RBMS3: variants seen among roughly 807,000 people sequenced by gnomAD.
RBMS3 encodes RNA binding motif single stranded interacting protein 3, also known as RNA-binding motif, single-stranded-interacting protein 3.
RBMS3 carries 27 observed loss-of-function variants against 66.8 expected under a neutral mutation model. The observed-to-expected ratio is 0.40, with a 90% CI of 0.30 to 0.56. The LOEUF is 0.56. Ranked by LOEUF, RBMS3 falls within the 20% of genes least tolerant of loss-of-function variation. The pLI is 0.40. For missense variants in RBMS3, 513 were observed against 549.5 expected (o/e 0.93, Z 0.66); for synonymous variants, 188 against 183.0 (o/e 1.03, Z -0.22).
chr3:29,719,927 A>T (rs1391051215), intron 4 of RBMS3, among the ~76,000 whole-genome samples: 1 of 141,778 alleles, frequency 7.1e-6, no homozygotes, highest in Non-Finnish European at 1.5e-5. Flanking sequence ...TTTCTTACAG[A>T]TACATTTTTT....
At chr3:29,796,848 G>A (rs995448187) in intron 6 of RBMS3, among the ~76,000 whole-genome samples, 1 of 151,592 alleles carries the variant, frequency 6.6e-6, no homozygotes, top group Non-Finnish European at 1.5e-5. Flanking sequence ...GAGTAGCTGG[G>A]ACTATAGGCA....
chr3:29,823,815 T>C (rs1201737021), intron 6 of RBMS3, among the ~76,000 whole-genome samples: 1 of 152,192 alleles, frequency 6.6e-6, no homozygotes, highest in African/African-American at 2.4e-5. Context: ...CTGTTGGGAA[T>C]TGTTATTTTA....
At chr3:29,534,083 T>A (rs2045464019) in intron 3 of RBMS3, among the ~76,000 whole-genome samples, 1 of 152,232 alleles carries the variant, frequency 6.6e-6, no homozygotes. Context: ...TGTAACTTCA[T>A]GAGTAAAGTT....
At chr3:29,960,333 T>G (rs114865314) in intron 12 of RBMS3, among the ~76,000 whole-genome samples, 4,339 of 152,224 alleles carry the variant, frequency 0.029, 125 homozygotes, top group African/African-American at 0.065. Flanking sequence ...GTACAAGAGG[T>G]GGGCTCCCAT....
intron 4 of RBMS3, among the ~76,000 whole-genome samples, chr3:29,598,970 A>C (rs1253288760): frequency 6.6e-6 from 1 of 152,074 alleles, no homozygotes; most frequent in Non-Finnish European, 1.5e-5. Flanking sequence ...AAGAATAAAA[A>C]TTGTGCAGTA....
At chr3:29,397,431 C>T (rs910788284) in intron 1 of RBMS3, among the ~76,000 whole-genome samples, 17 of 152,000 alleles carry the variant, frequency 1.1e-4, no homozygotes, top group South Asian at 2.1e-4. Context: ...TATGATGGTC[C>T]GATCCCCCAA....
chr3:29,953,667 C>T (rs1365595635), intron 12 of RBMS3, among the ~76,000 whole-genome samples: 3 of 151,906 alleles, frequency 2.0e-5, no homozygotes, highest in South Asian at 4.1e-4. Context: ...TAGTGCTCTA[C>T]GTGAATTGAT....
In RBMS3 at chr3:29,988,205, G is replaced by A. The variant is rs142452456; in HGVS notation, c.1161G>A (p.Pro387=). 3.8e-4 allele frequency: 606 copies of A among 1,611,136 alleles called. No homozygotes were observed. In the African/African-American group the frequency reaches 7.1e-3, roughly 19 times the overall value. Residue 387 remains proline, a synonymous_variant, in exon 13 of 15, where the codon CCG becomes CCA. Transcript: ENST00000383767. The part of the protein sequence containing the change: ...TYIPQYTPVP[P]TAVSIEGVVA... ...TTCCTCAGTACACGCCTGTGCCTCC[G>A]ACAGCTGTTTCTATTGAAGTAAGTC...
chr3:29,992,135 TCCC>T (rs1370693079), intron 14 of RBMS3, among the ~76,000 whole-genome samples: 1 of 152,052 alleles, frequency 6.6e-6, no homozygotes, highest in Non-Finnish European at 1.5e-5. Context: ...GAATAGAGAA[TCCC>T]CCGACAATCC....
At chr3:29,484,935 G>A (rs774746404) in intron 2 of RBMS3, among the ~76,000 whole-genome samples, 13 of 152,090 alleles carry the variant, frequency 8.5e-5, no homozygotes, top group South Asian at 2.1e-4. Flanking sequence ...AATTGACTGC[G>A]GAGACTCTAT....
intron 4 of RBMS3, chr3:29,696,941 T>G (rs2052308555): frequency 1.0e-6 from 1 of 984,346 alleles, no homozygotes; most frequent in Non-Finnish European, 1.2e-6. Context: ...TCGTTTGGGT[T>G]TTTTTTAATT....
chr3:29,772,942 T>C (rs1283613166), intron 6 of RBMS3, among the ~76,000 whole-genome samples: 2 of 152,034 alleles, frequency 1.3e-5, no homozygotes, highest in Non-Finnish European at 2.9e-5. Flanking sequence ...TAGAGCACAT[T>C]GTTTTTTATT....
chr3:29,402,584 A>G (rs776695108), intron 1 of RBMS3, among the ~76,000 whole-genome samples: 1 of 152,052 alleles, frequency 6.6e-6, no homozygotes, highest in African/African-American at 2.4e-5. Context: ...CAATCTTTAC[A>G]GAGATATCTT....
At chr3:29,639,418 T>A (rs191070796) in intron 4 of RBMS3, among the ~76,000 whole-genome samples, 7 of 152,000 alleles carry the variant, frequency 4.6e-5, no homozygotes, top group Admixed American at 1.3e-4. Flanking sequence ...CTAGTGATAC[T>A]TTTATCATTC....
At chr3:29,389,931 G>GA (rs2039206539) in intron 1 of RBMS3, among the ~76,000 whole-genome samples, 1 of 151,918 alleles carries the variant, frequency 6.6e-6, no homozygotes, top group Non-Finnish European at 1.5e-5. Context: ...CTGGTGGGTG[G>GA]AAAAAAGGGT....
At chr3:29,693,482 A>G (rs2052128653) in intron 4 of RBMS3, among the ~76,000 whole-genome samples, 2 of 152,164 alleles carry the variant, frequency 1.3e-5, no homozygotes. Context: ...AAGCATGCCA[A>G]TTTATTTCTA....
At chr3:29,844,587 A>G (rs2058735668) in intron 6 of RBMS3, among the ~76,000 whole-genome samples, 1 of 152,200 alleles carries the variant, frequency 6.6e-6, no homozygotes, top group South Asian at 2.1e-4. Flanking sequence ...ATGTAAATGT[A>G]TTTTCTCAAA....
At chr3:29,560,331 G>A (rs2046506954) in intron 3 of RBMS3, among the ~76,000 whole-genome samples, 1 of 152,068 alleles carries the variant, frequency 6.6e-6, no homozygotes, top group Non-Finnish European at 1.5e-5. Context: ...TACTAACTCG[G>A]ATCATGGGAT....
chr3:29,815,287 G>C (rs9813370), intron 6 of RBMS3, among the ~76,000 whole-genome samples: 10,894 of 152,158 alleles, frequency 0.072, 1,270 homozygotes, highest in African/African-American at 0.25. Flanking sequence ...CAAAACCTTA[G>C]ATATCACCCA....
Sources: allele counts gnomAD v4.1 joint callset (sites outside exome capture counted in the v4.1 genomes callset), GRCh38; gene constraint gnomAD v4.1.1; transcripts MANE v1.5; gene names NCBI Gene and HGNC (gene_info 2026-07-23, HGNC 2026-07-21).